GPC5: variants seen among roughly 807,000 people sequenced by gnomAD.
GPC5 encodes glypican-5.
In GPC5, 47 loss-of-function variants were observed where a neutral mutation model predicts 53.9. The ratio of observed to expected loss-of-function variants is 0.87; its 90% CI spans 0.69 to 1.11. The LOEUF (loss-of-function observed/expected upper bound fraction) is 1.11. Among genes scored for constraint, GPC5 ranks in the 50% most tolerant of loss-of-function variants. The pLI is 0.00. For missense variants in GPC5, 748 were observed against 713.1 expected, an observed-to-expected ratio of 1.05 and a Z score of -0.56; for synonymous variants, 286 against 263.3, an observed-to-expected ratio of 1.09 and a Z score of -0.84.
intron 7 of GPC5, among the ~76,000 whole-genome samples, chr13:92,578,599 C>T (rs1883261927): frequency 1.3e-5 from 2 of 152,116 alleles, no homozygotes; most frequent in African/African-American, 2.4e-5. Flanking sequence ...TGGAGAAGCT[C>T]CCAACTCCAG....
chr13:91,645,680 C>T lies in GPC5; in HGVS notation c.326-47507C>T, dbSNP rs145763227. 5.3e-3 allele frequency among the ~76,000 whole-genome samples: 812 copies of T among 152,320 alleles called. 5 individuals are homozygous for T. The highest frequency in any genetic ancestry group is 0.017 in the African/African-American group (713 of 41,578). On this transcript the variant is annotated intron_variant, in intron 2 of 7. Transcript: ENST00000377067. ...TATTACTGAAATTTTTACATGAAAACTGAAGTCTAGTCAGTCATCCACATT... is the reference window on the plus strand; with the variant it reads ...TATTACTGAAATTTTTACATGAAAATTGAAGTCTAGTCAGTCATCCACATT...
chr13:92,091,789 A>AAGCAGTC (rs1018908281), intron 6 of GPC5, among the ~76,000 whole-genome samples: 4 of 152,146 alleles, frequency 2.6e-5, no homozygotes, highest in African/African-American at 7.2e-5. Flanking sequence ...AACAATGTGA[A>AAGCAGTC]AGCAGTCAGG....
intron 2 of GPC5, among the ~76,000 whole-genome samples, chr13:91,644,716 A>G (rs1399212888): frequency 1.3e-5 from 2 of 152,126 alleles, no homozygotes; most frequent in Non-Finnish European, 2.9e-5. Flanking sequence ...AAACCTTCCT[A>G]GCTATTATTA....
At chr13:91,698,866 C>T (rs1363484312) in intron 3 of GPC5, among the ~76,000 whole-genome samples, 4 of 152,128 alleles carry the variant, frequency 2.6e-5, no homozygotes, top group African/African-American at 9.7e-5. Context: ...GTGGTCATGA[C>T]ACTTTCACAA....
At chr13:92,394,231 T>C (rs1042398865) in intron 7 of GPC5, among the ~76,000 whole-genome samples, 9 of 152,342 alleles carry the variant, frequency 5.9e-5, no homozygotes, top group Middle Eastern at 3.4e-3. Flanking sequence ...AATGAAAGCC[T>C]ACTAAAATTG....
chr13:91,989,934 TA>T (rs549639982), intron 6 of GPC5, among the ~76,000 whole-genome samples: 220 of 152,084 alleles, frequency 1.4e-3, no homozygotes, highest in African/African-American at 5.0e-3. Flanking sequence ...TGAAGAGAAT[TA>T]AAAAAAACTT....
chr13:91,813,411 G>A (rs2038345312), intron 5 of GPC5, among the ~76,000 whole-genome samples: 1 of 152,224 alleles, frequency 6.6e-6, no homozygotes, highest in Admixed American at 6.5e-5. Flanking sequence ...CAGTACAGAG[G>A]CAGCCATGCA....
In GPC5 at chr13:91,511,921, A is replaced by G. The variant is rs183348594; in HGVS notation, c.325+62999A>G. On this transcript the variant is annotated intron_variant, in intron 2 of 7. Transcript: ENST00000377067. ...AATTTTTAATTTTATAAAAGAAACTATATATAAAAGAATAGGGGAGACTGA... is the reference window on the plus strand; with the variant it reads ...AATTTTTAATTTTATAAAAGAAACTGTATATAAAAGAATAGGGGAGACTGA... 3.6e-3 allele frequency among the ~76,000 whole-genome samples: 542 copies of G among 152,256 alleles called. 3 individuals carry two copies. Among genetic ancestry groups the G allele is most frequent in the Middle Eastern group, 6.8e-3 (2 of 294 alleles).
chr13:92,694,330 C>A (rs1489082362), intron 7 of GPC5, among the ~76,000 whole-genome samples: 3 of 152,170 alleles, frequency 2.0e-5, no homozygotes, highest in Non-Finnish European at 2.9e-5. Flanking sequence ...CCAGACCCCA[C>A]CAACAGCTTG....
At chr13:92,076,004 TA>T (rs1566424700) in intron 6 of GPC5, among the ~76,000 whole-genome samples, 1 of 152,192 alleles carries the variant, frequency 6.6e-6, no homozygotes, top group East Asian at 1.9e-4. Flanking sequence ...TTTTAAAACT[TA>T]AATTGTGTGT....
intron 7 of GPC5, among the ~76,000 whole-genome samples, chr13:92,761,482 C>G (rs1439868649): frequency 6.6e-6 from 1 of 152,062 alleles, no homozygotes; most frequent in East Asian, 1.9e-4. Flanking sequence ...AAATCATTAC[C>G]TATTTTCTGG....
intron 7 of GPC5, among the ~76,000 whole-genome samples, chr13:92,440,753 C>T (rs993531888): frequency 2.6e-5 from 4 of 152,120 alleles, no homozygotes; most frequent in Non-Finnish European, 5.9e-5. Flanking sequence ...ACTTTGCCAG[C>T]ATCTGTTATT....
chr13:92,356,527 A>G (rs2043523873), intron 7 of GPC5, among the ~76,000 whole-genome samples: 1 of 152,180 alleles, frequency 6.6e-6, no homozygotes, highest in South Asian at 2.1e-4. Context: ...TAAGTTGTGG[A>G]AAGTTGTTGG....
At position 92,282,962 on chromosome 13, in the gene GPC5, A is replaced by T. The variant is rs190888856; in HGVS notation, c.1561+137973A>T. On this transcript the variant is annotated intron_variant, in intron 7 of 7. Transcript: ENST00000377067. ...CACAGACTGGCTAATTGGATAAAAG[A>T]GTCAAGACCCATCAGTGTGCTGTAT... Among the ~76,000 whole-genome samples, 79 of 152,318 alleles carry T rather than the reference A, an allele frequency of 5.2e-4. No individual in the cohort carries two copies. In the East Asian group the frequency reaches 9.3e-3, roughly 18 times the overall value.
intron 7 of GPC5, among the ~76,000 whole-genome samples, chr13:92,292,633 C>T (rs9523607): frequency 0.086 from 13,010 of 151,894 alleles, 616 homozygotes; most frequent in Middle Eastern, 0.12. Context: ...TCTGTTTACT[C>T]GGCTATTTCT....
intron 7 of GPC5, among the ~76,000 whole-genome samples, chr13:92,214,016 C>G (rs948516749): frequency 1.3e-5 from 2 of 152,096 alleles, no homozygotes; most frequent in Non-Finnish European, 2.9e-5. Context: ...TTTTCAAGAG[C>G]CTAGAGTATG....
rs180787706 is a variant in GPC5 at position 91,510,207 on chromosome 13, G to A, written c.325+61285G>A. Among the ~76,000 whole-genome samples, 57 of 152,030 alleles carry A rather than the reference G, an allele frequency of 3.7e-4. 1 individual carries two copies. The highest frequency in any genetic ancestry group is 3.7e-4 in the Non-Finnish European group (25 of 67,984). ...TTTAATTATAAATACAATAATCATA[G>A]CTATCATTTGTATTGTGCAATCATT... On this transcript the variant is annotated intron_variant, in intron 2 of 7. Coordinates refer to ENST00000377067, the MANE Select transcript of GPC5 (RefSeq NM_004466.6).
At chr13:92,804,070 T>A (rs950791331) in intron 7 of GPC5, among the ~76,000 whole-genome samples, 16 of 151,978 alleles carry the variant, frequency 1.1e-4, no homozygotes, top group African/African-American at 3.9e-4. Flanking sequence ...TTTTCTCTAA[T>A]CCACAGGGAT....
chr13:91,778,441 C>G (rs1283374083), intron 5 of GPC5, among the ~76,000 whole-genome samples: 1 of 152,202 alleles, frequency 6.6e-6, no homozygotes, highest in African/African-American at 2.4e-5. Flanking sequence ...CCTCCTCCTT[C>G]CATCTCCATT....
Sources: gnomAD v4.1 joint callset for allele counts (sites outside exome capture counted in the v4.1 genomes callset) on GRCh38, gnomAD v4.1.1 for gene constraint, MANE v1.5 for transcripts, NCBI Gene and HGNC (gene_info 2026-07-23, HGNC 2026-07-21) for gene names.